CDH18: variants seen among roughly 807,000 people sequenced by gnomAD.
CDH18 encodes cadherin-18.
Under a neutral mutation model 67.9 loss-of-function variants are expected in CDH18, and 31 were observed. The observed-to-expected ratio is 0.46, with a 90% confidence interval of 0.34 to 0.62. The LOEUF is 0.62. CDH18 is among the 20% of genes least tolerant of loss of function. The probability of loss-of-function intolerance (pLI) is 0.01; values close to 1 mark genes in which losing one functional copy is unlikely to be tolerated. For missense variants in CDH18, 890 were observed against 975.5 expected (o/e 0.91, Z 1.17); for synonymous variants, 362 against 347.2 (o/e 1.04, Z -0.48).
At chr5:20,227,801 T>A (rs1741750068) in intron 2 of CDH18, among the ~76,000 whole-genome samples, 1 of 149,060 alleles carries the variant, frequency 6.7e-6, no homozygotes, top group Non-Finnish European at 1.5e-5. Context: ...ATCAGTATTT[T>A]AAAATGTATC....
intron 1 of CDH18, among the ~76,000 whole-genome samples, chr5:20,369,351 G>C (rs1742790222): frequency 6.6e-6 from 1 of 152,100 alleles, no homozygotes; most frequent in Non-Finnish European, 1.5e-5. Flanking sequence ...ATTGCAACCT[G>C]CAAAAAGAAA....
chr5:19,974,423 T>C (rs1182205594), intron 2 of CDH18, among the ~76,000 whole-genome samples: 1 of 148,244 alleles, frequency 6.7e-6, no homozygotes, highest in East Asian at 2.0e-4. Context: ...CCCAGCTACT[T>C]GGGAGGCTGA....
chr5:20,556,506 G>A (rs1186424490), intron 1 of CDH18, among the ~76,000 whole-genome samples: 1 of 152,060 alleles, frequency 6.6e-6, no homozygotes, highest in Admixed American at 6.6e-5. Context: ...TTCCCAAGTA[G>A]GCCCGTTCTC....
intron 1 of CDH18, among the ~76,000 whole-genome samples, chr5:20,542,148 G>A (rs1023082090): frequency 6.6e-6 from 1 of 152,104 alleles, no homozygotes. Flanking sequence ...GTTTCACCAT[G>A]TTCACCATCA....
intron 1 of CDH18, among the ~76,000 whole-genome samples, chr5:20,363,693 A>G (rs1453044974): frequency 6.8e-6 from 1 of 147,518 alleles, no homozygotes; most frequent in Non-Finnish European, 1.5e-5. Flanking sequence ...ATCAGTTTAC[A>G]ACAGATCCCA....
intron 2 of CDH18, among the ~76,000 whole-genome samples, chr5:19,977,629 C>T (rs1798621628): frequency 6.6e-6 from 1 of 152,038 alleles, no homozygotes; most frequent in African/African-American, 2.4e-5. Flanking sequence ...ATCCATGAGA[C>T]ATTTTAAAGA....
chr5:20,155,340 C>T lies in CDH18; in HGVS notation c.-518+100104G>A, dbSNP rs527763562. On this transcript the variant is annotated intron_variant, in intron 2 of 14. Transcript: ENST00000507958. Reference sequence around the variant, plus strand: ...GTATTTTTTAATTTTTTTGTTGAAGCCTATATTTGTTGCTTTTATAGTATT... The same window carrying T: ...GTATTTTTTAATTTTTTTGTTGAAGTCTATATTTGTTGCTTTTATAGTATT... 4.7e-4 allele frequency among the ~76,000 whole-genome samples: 72 copies of T among 152,112 alleles called. 3 individuals are homozygous for T. Among genetic ancestry groups the T allele is most frequent in the Admixed American group, 4.0e-3 (61 of 15,258 alleles).
chr5:20,232,452 C>T (rs2126507615), intron 2 of CDH18, among the ~76,000 whole-genome samples: 1 of 152,178 alleles, frequency 6.6e-6, no homozygotes, highest in East Asian at 1.9e-4. Flanking sequence ...AGTTATTAGG[C>T]TTTGTCAAAC....
In CDH18 at chr5:19,748,112, C is replaced by CAAAAAAAAAAAAAAAAAAAAAAAA. The variant is rs766955714; in HGVS notation, c.229-877_229-876insTTTTTTTTTTTTTTTTTTTTTTTT. Among the ~76,000 whole-genome samples, 56 of 14,850 alleles carry CAAAAAAAAAAAAAAAAAAAAAAAA rather than the reference C, an allele frequency of 3.8e-3. 21 individuals are homozygous for CAAAAAAAAAAAAAAAAAAAAAAAA. Among genetic ancestry groups the CAAAAAAAAAAAAAAAAAAAAAAAA allele is most frequent in the East Asian group, 0.013 (3 of 226 alleles). 9.7% of individuals were successfully genotyped at this position (14,850 alleles called of 152,430 possible). On this transcript the variant is annotated intron_variant, in intron 3 of 12. Transcript: ENST00000382275. ...TGGGAGACAGAGCGAGACTCCATCT[C>CAAAAAAAAAAAAAAAAAAAAAAAA]AAAAAAAAAAAAAAAAAAAAAGAGT...
At chr5:19,697,414 T>C (rs1027854954) in intron 5 of CDH18, among the ~76,000 whole-genome samples, 2 of 152,218 alleles carry the variant, frequency 1.3e-5, no homozygotes, top group African/African-American at 4.8e-5. Context: ...TCATTTTGAC[T>C]GTAGGCATAT....
At chr5:19,847,115 T>A (rs750934251) in intron 2 of CDH18, among the ~76,000 whole-genome samples, 22 of 152,126 alleles carry the variant, frequency 1.4e-4, no homozygotes, top group Non-Finnish European at 2.5e-4. Context: ...GCAAGTTTTG[T>A]GTTTAAACTA....
At chr5:20,025,329 G>T (rs1054291157) in intron 2 of CDH18, among the ~76,000 whole-genome samples, 1 of 151,896 alleles carries the variant, frequency 6.6e-6, no homozygotes, top group African/African-American at 2.4e-5. Context: ...GCAGATATTT[G>T]GGATATATGG....
chr5:20,197,080 C>T (rs895850487), intron 2 of CDH18, among the ~76,000 whole-genome samples: 17 of 152,010 alleles, frequency 1.1e-4, no homozygotes, highest in Admixed American at 6.6e-4. Context: ...GGCAGGATCT[C>T]GGCTAACTGG....
intron 2 of CDH18, among the ~76,000 whole-genome samples, chr5:19,846,296 T>TCACC (rs1156243843): frequency 7.9e-5 from 12 of 152,216 alleles, no homozygotes; most frequent in Admixed American, 6.5e-4. Context: ...CACTTTTACT[T>TCACC]CACCCACACT....
At chr5:20,224,492 T>C (rs1394903269) in intron 2 of CDH18, among the ~76,000 whole-genome samples, 1 of 150,976 alleles carries the variant, frequency 6.6e-6, no homozygotes, top group African/African-American at 2.4e-5. Context: ...ATGAGACAGC[T>C]TGGATTTTCG....
intron 4 of CDH18, among the ~76,000 whole-genome samples, chr5:19,743,389 C>CT (rs1281430277): frequency 5.3e-5 from 8 of 152,032 alleles, no homozygotes; most frequent in South Asian, 4.1e-4. Context: ...CTGACAAACT[C>CT]TTTTTTTTAA....
At chr5:20,542,469 A>G (rs1027274892) in intron 1 of CDH18, among the ~76,000 whole-genome samples, 1 of 151,628 alleles carries the variant, frequency 6.6e-6, no homozygotes, top group Non-Finnish European at 1.5e-5. Context: ...ACACATATGT[A>G]TACACACACA....
intron 2 of CDH18, among the ~76,000 whole-genome samples, chr5:20,209,250 A>G (rs1740158023): frequency 6.6e-6 from 1 of 152,114 alleles, no homozygotes; most frequent in Non-Finnish European, 1.5e-5. Context: ...TTTCACTATT[A>G]GGGTTACATC....
intron 6 of CDH18, among the ~76,000 whole-genome samples, chr5:19,611,949 C>CGTGT (rs3062879): frequency 0.04 from 5,511 of 138,974 alleles, 158 homozygotes; most frequent in African/African-American, 0.065. Flanking sequence ...TTGGATGATG[C>CGTGT]GTGTGTGTGT....
Sources: gnomAD v4.1 joint callset for allele counts (sites outside exome capture counted in the v4.1 genomes callset) on GRCh38, gnomAD v4.1.1 for gene constraint, MANE v1.5 for transcripts, NCBI Gene and HGNC (gene_info 2026-07-23, HGNC 2026-07-21) for gene names.